Variants in ADAM10 observed in about 807,000 individuals in gnomAD.
ADAM10 encodes ADAM metallopeptidase domain 10, also known as disintegrin and metalloproteinase domain-containing protein 10.
In ADAM10, 17 loss-of-function variants were observed where a neutral mutation model predicts 90.1. The ratio of observed to expected loss-of-function variants is 0.19; its 90% CI spans 0.13 to 0.28. The LOEUF is 0.28. Ranked by LOEUF, ADAM10 falls within the 10% of genes least tolerant of loss-of-function variation. The probability of loss-of-function intolerance (pLI) is 1.00; values close to 1 mark genes in which losing one functional copy is unlikely to be tolerated. For synonymous variants in ADAM10, 310 were observed against 298.6 expected (o/e 1.04, Z -0.40); for missense variants, 610 against 914.3 (o/e 0.67, Z 4.29).
At chr15:58,720,106 T>G (rs1898792498) in intron 1 of ADAM10, among the ~76,000 whole-genome samples, 2 of 152,350 alleles carry the variant, frequency 1.3e-5, no homozygotes, top group South Asian at 4.1e-4. Context: ...ATTTAACTTT[T>G]TTAAATCTCA....
intron 1 of ADAM10, among the ~76,000 whole-genome samples, chr15:58,734,335 G>A (rs1251498815): frequency 6.6e-6 from 1 of 152,098 alleles, no homozygotes. Flanking sequence ...AGAAAACTGA[G>A]GTTTGAGTGA....
chr15:58,589,975 T>A lies in ADAM10; in HGVS notation c.*7572A>T, dbSNP rs28417700. ...GCAAAGCAAAAAATGAAAAAACATT[T>A]AAAAAAATAAAGGAATCTGAATGAC... On this transcript the variant is annotated 3_prime_UTR_variant, in exon 16 of 16. Transcript: ENST00000260408. The A allele has an allele frequency of 0.28, 42,668 of 151,946 alleles. 8,339 individuals carry two copies. Among genetic ancestry groups the A allele is most frequent in the African/African-American group, 0.55 (22,590 of 41,404 alleles). The allele number at this position is 151,946 out of a possible 1,614,324, so 9.4% of individuals were successfully genotyped here. A position where few individuals can be genotyped will look rare whatever the true frequency, so the allele number is the denominator to read the frequency against.
chr15:58,677,501 C>T (rs1897324160), intron 4 of ADAM10, among the ~76,000 whole-genome samples: 1 of 151,536 alleles, frequency 6.6e-6, no homozygotes, highest in Non-Finnish European at 1.5e-5. Flanking sequence ...GCAAAAAATA[C>T]AATTATATTA....
chr15:58,600,444 G>C (rs186220871), intron 14 of ADAM10, among the ~76,000 whole-genome samples: 1 of 151,854 alleles, frequency 6.6e-6, no homozygotes, highest in Non-Finnish European at 1.5e-5. Flanking sequence ...TTTGAGACTC[G>C]GACTAGTTAT....
chr15:58,664,596 T>C (rs934563491), intron 5 of ADAM10, among the ~76,000 whole-genome samples: 3 of 152,100 alleles, frequency 2.0e-5, no homozygotes, highest in African/African-American at 7.2e-5. Context: ...GAAAAAATGT[T>C]TTCTCATTTT....
intron 5 of ADAM10, 133 bp downstream of exon 5, chr15:58,664,964 T>G: frequency 1.3e-6 from 1 of 748,246 alleles, no homozygotes. Flanking sequence ...CCTGGCCTCT[T>G]TGAGCATTAA....
At chr15:58,736,156 A>G (rs1899423490) in intron 1 of ADAM10, among the ~76,000 whole-genome samples, 1 of 152,208 alleles carries the variant, frequency 6.6e-6, no homozygotes, top group African/African-American at 2.4e-5. Context: ...TCTTCACCAG[A>G]AGAGGCCATA....
rs796290245 is a variant in ADAM10, at chr15:58,614,809, T to C, written c.1512-2818A>G. Reference sequence around the variant, plus strand: ...GTGAAAACACACAGAATTATAATGCTAACAACCTACGTACACCAACACCGC... The same window carrying C: ...GTGAAAACACACAGAATTATAATGCCAACAACCTACGTACACCAACACCGC... On this transcript the variant is annotated intron_variant, in intron 11 of 15. Transcript: ENST00000260408. 9.7e-4 allele frequency among the ~76,000 whole-genome samples: 147 copies of C among 152,188 alleles called. 1 individual carries two copies. The highest frequency in any genetic ancestry group is 3.3e-3 in the African/African-American group (138 of 41,534).
intron 1 of ADAM10, chr15:58,748,731 T>G: frequency 1.0e-5 from 4 of 392,004 alleles, no homozygotes; most frequent in Non-Finnish European, 1.8e-5. Flanking sequence ...CCAAATGGTT[T>G]ACCCTTCTCC....
intron 2 of ADAM10, among the ~76,000 whole-genome samples, chr15:58,696,650 A>T (rs1373597525): frequency 6.6e-6 from 1 of 152,088 alleles, no homozygotes; most frequent in Admixed American, 6.5e-5. Context: ...ACTTTTGTAC[A>T]GATGCGGTTT....
chr15:58,714,326 C>CACACACACACACACACACAG (rs1268922134), intron 2 of ADAM10, among the ~76,000 whole-genome samples: 4 of 150,814 alleles, frequency 2.7e-5, no homozygotes, highest in African/African-American at 9.7e-5. Flanking sequence ...CACACACACA[C>CACACACACACACACACACAG]AGAAGCTGTG....
chr15:58,689,944 A>AC (rs57199536), intron 2 of ADAM10, among the ~76,000 whole-genome samples: 6,116 of 74,890 alleles, frequency 0.082, 764 homozygotes, highest in African/African-American at 0.29. Context: ...CCAAAGACAG[A>AC]CCCCCCCCAA....
chr15:58,685,160 T>TAA (rs140613738), intron 2 of ADAM10, among the ~76,000 whole-genome samples: 3 of 119,116 alleles, frequency 2.5e-5, no homozygotes, highest in Non-Finnish European at 5.5e-5. Flanking sequence ...TTATATTAAG[T>TAA]AAAAAAAAAA....
chr15:58,708,631 T>A (rs1898378785), intron 2 of ADAM10, among the ~76,000 whole-genome samples: 1 of 152,192 alleles, frequency 6.6e-6, no homozygotes, highest in Non-Finnish European at 1.5e-5. Context: ...GACCCTGTCA[T>A]TCATTCCATC....
intron 1 of ADAM10, among the ~76,000 whole-genome samples, chr15:58,741,580 T>A (rs567642596): frequency 4.6e-5 from 7 of 152,362 alleles, no homozygotes; most frequent in African/African-American, 1.7e-4. Context: ...CTTCAACGAC[T>A]GAGGTCTTCA....
chr15:58,638,068 TC>T (rs1896316019), intron 8 of ADAM10, among the ~76,000 whole-genome samples: 1 of 152,078 alleles, frequency 6.6e-6, no homozygotes, highest in South Asian at 2.1e-4. Flanking sequence ...GGAACAAAGA[TC>T]CCTTTTCTTT....
intron 1 of ADAM10, among the ~76,000 whole-genome samples, chr15:58,720,693 G>A (rs931030955): frequency 5.3e-5 from 8 of 152,070 alleles, no homozygotes; most frequent in African/African-American, 1.4e-4. Flanking sequence ...GAGCCACCAC[G>A]CCCGGCCTAG....
At chr15:58,673,299 GGA>G (rs1897239792) in intron 4 of ADAM10, among the ~76,000 whole-genome samples, 1 of 151,634 alleles carries the variant, frequency 6.6e-6, no homozygotes, top group Admixed American at 6.6e-5. Flanking sequence ...AGTTATATAT[GGA>G]GATGGTAGTT....
chr15:58,588,815 C>G lies in ADAM10; in HGVS notation c.*8732G>C, dbSNP rs1894767146. 1 of 152,124 alleles carries G rather than the reference C, an allele frequency of 6.6e-6. No homozygotes were observed. The highest frequency in any genetic ancestry group is 1.5e-5 in the Non-Finnish European group (1 of 68,030). 9.4% of individuals were successfully genotyped at this position (152,124 alleles called of 1,614,324 possible). A position where few individuals can be genotyped will look rare whatever the true frequency, so the allele number is the denominator to read the frequency against. On this transcript the variant is annotated 3_prime_UTR_variant, in exon 16 of 16. Transcript: ENST00000260408. ...TCATCCACAAACACAAATCTAGAGT[C>G]TCCCATTTTATTTCTAATTTGAGCT... is the stretch of plus-strand genomic sequence containing the variant.
Sources: gnomAD v4.1 joint callset for allele counts (sites outside exome capture counted in the v4.1 genomes callset) on GRCh38, gnomAD v4.1.1 for gene constraint, MANE v1.5 for transcripts, NCBI Gene and HGNC (gene_info 2026-07-23, HGNC 2026-07-21) for gene names.